The following ZBTB20 variants were observed in gnomAD, a reference collection of about 807,000 sequenced individuals.
The protein encoded by ZBTB20 is zinc finger and BTB domain containing 20.
In ZBTB20, 9 loss-of-function variants were observed where a neutral mutation model predicts 56.9. The observed-to-expected ratio is 0.16, with a 90% confidence interval of 0.10 to 0.28. The LOEUF is 0.28. Among genes scored for constraint, ZBTB20 ranks in the 10% least tolerant of loss-of-function variants. The pLI is 1.00. For missense variants in ZBTB20, 655 were observed against 1,003.0 expected (o/e 0.65, Z 4.69); for synonymous variants, 417 against 420.7 (o/e 0.99, Z 0.11).
chr3:114,735,330 G>A (rs1008352621), intron 5 of ZBTB20, among the ~76,000 whole-genome samples: 4 of 151,888 alleles, frequency 2.6e-5, no homozygotes, highest in Middle Eastern at 3.2e-3. Flanking sequence ...AAAATGTCTG[G>A]ATCAAATAAT....
chr3:114,982,822 GT>G (rs201457564), intron 2 of ZBTB20, among the ~76,000 whole-genome samples: 3 of 151,250 alleles, frequency 2.0e-5, no homozygotes, highest in South Asian at 2.1e-4. Flanking sequence ...AAAGTCCAAA[GT>G]TTTTTTTTAC....
chr3:114,535,239 G>A (rs987707382), intron 6 of ZBTB20, among the ~76,000 whole-genome samples: 5 of 152,046 alleles, frequency 3.3e-5, no homozygotes, highest in East Asian at 1.9e-4. Flanking sequence ...CAGATAGACC[G>A]CTAGCCAGAC....
At chr3:114,803,452 G>T (rs772362720) in intron 4 of ZBTB20, among the ~76,000 whole-genome samples, 20 of 151,738 alleles carry the variant, frequency 1.3e-4, no homozygotes, top group Non-Finnish European at 2.5e-4. Flanking sequence ...CAGGCAAACG[G>T]CTGGGCAAAA....
At chr3:114,994,428 T>C (rs373076616) in intron 2 of ZBTB20, among the ~76,000 whole-genome samples, 2 of 151,906 alleles carry the variant, frequency 1.3e-5, no homozygotes, top group South Asian at 2.1e-4. Flanking sequence ...CAAACTTCAC[T>C]GTCTTCTTAC....
At position 114,328,035 on chromosome 3, in the gene ZBTB20, G is replaced by A. The variant is rs2079118020; in HGVS notation, c.*10970C>T. ...CTAGCATGACAACCAAATTATATGGGGCGTATTTAGGTGCTGGGGAGTGCA... is the reference window on the plus strand; with the variant it reads ...CTAGCATGACAACCAAATTATATGGAGCGTATTTAGGTGCTGGGGAGTGCA... On this transcript the variant is annotated 3_prime_UTR_variant, in exon 12 of 12. Transcript: ENST00000675478. 1 of 152,112 alleles carries A rather than the reference G, an allele frequency of 6.6e-6. No homozygotes were observed. The highest frequency in any genetic ancestry group is 6.5e-5 in the Admixed American group (1 of 15,268). 9.4% of individuals were successfully genotyped at this position (152,112 alleles called of 1,614,324 possible). A position where few individuals can be genotyped will look rare whatever the true frequency, so the allele number is the denominator to read the frequency against.
In ZBTB20 at chr3:114,835,581, A is replaced by G. The variant is rs1045223555; in HGVS notation, c.-416-34407T>C. 2.0e-5 allele frequency among the ~76,000 whole-genome samples: 3 copies of G among 152,192 alleles called. No homozygotes were observed. In the South Asian group the frequency reaches 6.2e-4, roughly 31 times the overall value. On this transcript the variant is annotated intron_variant, in intron 4 of 11. Coordinates refer to ENST00000675478, the MANE Select transcript of ZBTB20 (RefSeq NM_001348800.3). Reference sequence around the variant, plus strand: ...TAATTTTATAATACGCCAGTTCATAATAGTATCTCAAAATGCACAGTAGTT... The same window carrying G: ...TAATTTTATAATACGCCAGTTCATAGTAGTATCTCAAAATGCACAGTAGTT...
intron 3 of ZBTB20, among the ~76,000 whole-genome samples, chr3:114,949,374 C>T (rs1436911356): frequency 1.4e-5 from 2 of 146,374 alleles, no homozygotes; most frequent in Non-Finnish European, 2.9e-5. Context: ...AAAGCTTTTC[C>T]ATTTTTTTGT....
At chr3:114,386,738 A>C (rs1459871936) in intron 8 of ZBTB20, among the ~76,000 whole-genome samples, 1 of 152,200 alleles carries the variant, frequency 6.6e-6, no homozygotes, top group Non-Finnish European at 1.5e-5. Flanking sequence ...GTCACACATC[A>C]GGGCAAAAGA....
intron 5 of ZBTB20, among the ~76,000 whole-genome samples, chr3:114,707,873 A>G (rs2063811594): frequency 6.6e-6 from 1 of 152,164 alleles, no homozygotes; most frequent in Non-Finnish European, 1.5e-5. Context: ...TGCTGGCACC[A>G]TATAACTTAA....
intron 3 of ZBTB20, among the ~76,000 whole-genome samples, chr3:114,922,302 T>C (rs2075989969): frequency 6.6e-6 from 1 of 152,118 alleles, no homozygotes; most frequent in Non-Finnish European, 1.5e-5. Context: ...CTATTTCTAT[T>C]AAACATAGTA....
At chr3:114,693,776 A>G (rs1332961165) in intron 5 of ZBTB20, among the ~76,000 whole-genome samples, 1 of 152,118 alleles carries the variant, frequency 6.6e-6, no homozygotes, top group Non-Finnish European at 1.5e-5. Context: ...AACTGCCTGC[A>G]TGTTTAACTT....
chr3:115,035,544 A>AAC (rs111286494), intron 2 of ZBTB20, among the ~76,000 whole-genome samples: 5,687 of 147,914 alleles, frequency 0.038, 109 homozygotes, highest in East Asian at 0.052. Context: ...GCTACTATCA[A>AAC]ACACACACAC....
At chr3:114,686,778 T>C (rs566220503) in intron 6 of ZBTB20, among the ~76,000 whole-genome samples, 1 of 152,250 alleles carries the variant, frequency 6.6e-6, no homozygotes, top group South Asian at 2.1e-4. Flanking sequence ...GATCTACATA[T>C]CTCTAACGAG....
intron 6 of ZBTB20, among the ~76,000 whole-genome samples, chr3:114,548,037 T>C (rs934764181): frequency 3.3e-5 from 5 of 152,242 alleles, no homozygotes; most frequent in Admixed American, 6.5e-5. Context: ...TGCATTTGGA[T>C]GAAGCCAGTG....
chr3:114,465,543 C>T (rs1013289725), intron 7 of ZBTB20, among the ~76,000 whole-genome samples: 1 of 151,904 alleles, frequency 6.6e-6, no homozygotes, highest in Non-Finnish European at 1.5e-5. Flanking sequence ...CCCGTTTCTA[C>T]TAAAAATACA....
Position 115,100,333 on chromosome 3 carries a change from C to T in ZBTB20, c.-702-28919G>A, listed in dbSNP as rs557734463. On this transcript the variant is annotated intron_variant, in intron 1 of 11. Coordinates refer to ENST00000675478, the MANE Select transcript of ZBTB20 (RefSeq NM_001348800.3). ...CAACCTACCTTACAAACCACAGAGACGGGAAGAGAGAGAGAGAGCAAGAGA... is the reference window on the plus strand; with the variant it reads ...CAACCTACCTTACAAACCACAGAGATGGGAAGAGAGAGAGAGAGCAAGAGA... 250 of 144,356 alleles carry T rather than the reference C, an allele frequency of 1.7e-3. 1 individual carries two copies. The highest frequency in any genetic ancestry group is 6.7e-3 in the Admixed American group (96 of 14,238). The allele number at this position is 144,356 out of a possible 1,614,324, so 8.9% of individuals were successfully genotyped here.
chr3:114,712,039 GGATAGA>G (rs1322028161), intron 5 of ZBTB20, among the ~76,000 whole-genome samples: 1 of 152,138 alleles, frequency 6.6e-6, no homozygotes, highest in Non-Finnish European at 1.5e-5. Context: ...CCAAAGCAAA[GGATAGA>G]GAAGTTAGAA....
intron 10 of ZBTB20, among the ~76,000 whole-genome samples, chr3:114,368,337 G>A (rs979207406): frequency 6.6e-6 from 1 of 152,168 alleles, no homozygotes; most frequent in Admixed American, 6.5e-5. Context: ...ACAACACATA[G>A]CCCCAGTCTT....
intron 6 of ZBTB20, among the ~76,000 whole-genome samples, chr3:114,632,358 C>G (rs989538229): frequency 6.6e-6 from 1 of 152,142 alleles, no homozygotes; most frequent in East Asian, 1.9e-4. Flanking sequence ...CATGCACACC[C>G]CCCTCTCCCC....
Sources: gnomAD v4.1 joint callset for allele counts (sites outside exome capture counted in the v4.1 genomes callset) on GRCh38, gnomAD v4.1.1 for gene constraint, MANE v1.5 for transcripts, NCBI Gene and HGNC (gene_info 2026-07-23, HGNC 2026-07-21) for gene names.